The following HLA-F variants were observed in gnomAD, a reference collection of about 807,000 sequenced individuals.
HLA-F encodes the protein major histocompatibility complex, class I, F.
A neutral mutation model predicts 49.5 loss-of-function variants in HLA-F; 46 were observed. The observed-to-expected ratio is 0.93, with a 90% CI of 0.73 to 1.19. The LOEUF is 1.19. HLA-F is among the 50% of genes most tolerant of loss of function. HLA-F has a pLI of 0.00. For synonymous variants in HLA-F, 203 were observed against 233.5 expected (o/e 0.87, Z 1.19); for missense variants, 496 against 579.6 (o/e 0.86, Z 1.48).
downstream of HLA-F, chr6:29,728,649 AAAT>A (rs1250887582): frequency 6.6e-6 from 1 of 152,232 alleles, no homozygotes; most frequent in African/African-American, 2.4e-5. Context: ...TCCATCAAAG[AAAT>A]AATATTTTGA....
At chr6:29,737,217 G>GAAAAAA (rs1777178474) in intron 3 of HLA-F, among the ~76,000 whole-genome samples, 1 of 32,230 alleles carries the variant, frequency 3.1e-5, no homozygotes, top group Non-Finnish European at 4.7e-5. Flanking sequence ...AATCCTCATG[G>GAAAAAA]CAAAAAAAAA....
downstream of HLA-F, chr6:29,728,011 T>C (rs574385314): frequency 5.8e-6 from 3 of 518,992 alleles, no homozygotes; most frequent in South Asian, 2.8e-5. Flanking sequence ...CCAGGAGCAA[T>C]TTTCCCACCA....
Position 29,725,225 on chromosome 6 carries a change from G to T in HLA-F, c.805G>T (p.Val269Leu). 1 of 1,614,036 alleles carries T rather than the reference G, an allele frequency of 6.2e-7. No individual in the cohort carries two copies. Among genetic ancestry groups the T allele is most frequent in the Admixed American group, 1.7e-5 (1 of 60,008 alleles). Residue 269 changes from valine to leucine, a missense_variant, in exon 4 of 7, where the codon GTG (valine) becomes TTG (leucine). Transcript: ENST00000259951. Reference sequence around the variant, plus strand: ...AACCTTCCAGAAGTGGGCCGCTGTGGTGGTGCCTCCTGGAGAGGAACAGAG... The same window carrying T: ...AACCTTCCAGAAGTGGGCCGCTGTGTTGGTGCCTCCTGGAGAGGAACAGAG... ...DGTFQKWAAVVVPPGEEQRYT... is the reference protein window; with the variant it reads ...DGTFQKWAAVLVPPGEEQRYT...
At chr6:29,736,949 T>A (rs552189983) in intron 3 of HLA-F, 1 of 152,276 alleles carries the variant, frequency 6.6e-6, no homozygotes, top group East Asian at 1.9e-4. Flanking sequence ...AATTGCTGGG[T>A]CATAGGTGAT....
At position 29,727,236 on chromosome 6, in the gene HLA-F, C is replaced by A. The variant is rs545530479; in HGVS notation, c.*61C>A. ...AGACCACTAAATACTTCATCACACA[C>A]CTCCTAAGAATAAGAACCAACATTA... On this transcript the variant is annotated 3_prime_UTR_variant, in exon 7 of 7. Transcript: ENST00000259951. 2.9e-6 allele frequency: 3 copies of A among 1,028,738 alleles called. No individual in the cohort carries two copies. The highest frequency in any genetic ancestry group is 1.6e-5 in the South Asian group (1 of 61,948). 63.7% of individuals were successfully genotyped at this position (1,028,738 alleles called of 1,614,324 possible).
At chr6:29,737,295 G>T (rs552920167) in intron 3 of HLA-F, among the ~76,000 whole-genome samples, 1 of 141,312 alleles carries the variant, frequency 7.1e-6, no homozygotes, top group Non-Finnish European at 1.5e-5. Flanking sequence ...GAAAATACAG[G>T]TCATAGAGAT....
chr6:29,737,981 G>T (rs1777262113), intron 3 of HLA-F: 1 of 152,298 alleles, frequency 6.6e-6, no homozygotes, highest in South Asian at 2.1e-4. Context: ...CACAGGTGCA[G>T]TTACAGTCAG....
At chr6:29,732,005 C>A (rs1776667559), downstream of HLA-F, among the ~76,000 whole-genome samples, 1 of 152,112 alleles carries the variant, frequency 6.6e-6, no homozygotes, top group Non-Finnish European at 1.5e-5. Context: ...CACTCTGTAG[C>A]CCGGTCTGGA....
intron 3 of HLA-F, among the ~76,000 whole-genome samples, chr6:29,737,057 A>G (rs115479327): frequency 0.021 from 3,196 of 152,192 alleles, 77 homozygotes; most frequent in African/African-American, 0.051. Flanking sequence ...TGCAGCTAGT[A>G]TATGAAAAGA....
At chr6:29,732,357 A>G (rs148432938) in intron 3 of HLA-F, among the ~76,000 whole-genome samples, 139 of 152,346 alleles carry the variant, frequency 9.1e-4, no homozygotes, top group African/African-American at 2.4e-3. Flanking sequence ...CAAAAAGATA[A>G]GATGAAAGCA....
rs531915649 is a variant in HLA-F at position 29,723,764 on chromosome 6, C to A, written c.171C>A (p.Phe57Leu). Residue 57 changes from phenylalanine (F) to leucine (L), a missense_variant, in exon 2 of 7, where the codon TTC (phenylalanine) becomes TTA (leucine). By Grantham distance (22) the Phe-to-Leu change is conservative. Coordinates refer to ENST00000259951, the MANE Select transcript of HLA-F (RefSeq NM_001098479.2). ...EYVDDTQFLR[F>L]DSDAAIPRME... ...TAGACGACACGCAATTCCTGCGGTT[C>A]GACAGCGACGCCGCGATTCCGAGGA... 6.2e-7 allele frequency: 1 copy of A among 1,611,086 alleles called. No individual in the cohort carries two copies. Among genetic ancestry groups the A allele is most frequent in the African/African-American group, 1.3e-5 (1 of 74,908 alleles).
intron 3 of HLA-F, chr6:29,736,202 C>A: frequency 2.9e-6 from 1 of 342,884 alleles, no homozygotes; most frequent in East Asian, 8.1e-5. Context: ...CTCATTCATT[C>A]ATGCACTACT....
Position 29,724,406 on chromosome 6 carries a change from C to T in HLA-F, c.568C>T (p.Arg190Cys), listed in dbSNP as rs1171779946. Reference sequence around the variant, plus strand: ...GGAGGGCGAGTGCCTGGAGTTGCTCCGCAGATACTTGGAGAATGGGAAGGA... The same window carrying T: ...GGAGGGCGAGTGCCTGGAGTTGCTCTGCAGATACTTGGAGAATGGGAAGGA... The part of the protein sequence containing the change: ...YLEGECLELL[R>C]RYLENGKETL... The change falls in exon 3 of 7, where the codon CGC becomes TGC. Residue 190 changes from arginine (R) to cysteine (C), a missense_variant. Transcript: ENST00000259951. 5 of 1,613,270 alleles carry T rather than the reference C, an allele frequency of 3.1e-6. No individual in the cohort carries two copies. The highest frequency in any genetic ancestry group is 3.4e-6 in the Non-Finnish European group (4 of 1,180,042).
At chr6:29,737,520 G>A (rs1476998483) in intron 3 of HLA-F, among the ~76,000 whole-genome samples, 1 of 152,230 alleles carries the variant, frequency 6.6e-6, no homozygotes, top group Admixed American at 6.5e-5. Context: ...TTGAAGAAGA[G>A]AAGAGTTTAT....
At position 29,733,114 on chromosome 6, in the gene HLA-F, G is replaced by A. The variant is rs566382808; in HGVS notation, c.404-5008G>A. Among the ~76,000 whole-genome samples, 40 of 152,008 alleles carry A rather than the reference G, an allele frequency of 2.6e-4. No individual in the cohort carries two copies. In the South Asian group the frequency reaches 5.8e-3, roughly 22 times the overall value. ...TGAGGCATGGAAATCACTTGAACCCGAGAGGCGGAGGTTGCAGTGAGCTGA... is the reference window on the plus strand; with the variant it reads ...TGAGGCATGGAAATCACTTGAACCCAAGAGGCGGAGGTTGCAGTGAGCTGA... On this transcript the variant is annotated intron_variant, in intron 3 of 4. Transcript: ENST00000465459.
downstream of HLA-F, among the ~76,000 whole-genome samples, chr6:29,727,528 T>A (rs2523405): frequency 6.6e-6 from 1 of 151,958 alleles, no homozygotes; most frequent in Non-Finnish European, 1.5e-5. Flanking sequence ...TATCATATTA[T>A]TTCCCCTGAT....
chr6:29,726,237 A>G, intron 6 of HLA-F, 194 bp downstream of exon 6: 1 of 949,656 alleles, frequency 1.1e-6, no homozygotes, highest in Non-Finnish European at 1.7e-6. Flanking sequence ...GTGACACTCC[A>G]GGGCAGGGGC....
At chr6:29,728,176 C>T (rs1776285064), downstream of HLA-F, 1 of 453,842 alleles carries the variant, frequency 2.2e-6, no homozygotes, top group Non-Finnish European at 4.4e-6. Context: ...ATTATCCAGC[C>T]CCAATACCAA....
intron 6 of HLA-F, chr6:29,726,564 T>TGC: frequency 7.6e-7 from 1 of 1,307,260 alleles, no homozygotes; most frequent in African/African-American, 1.8e-5. Flanking sequence ...CGTAAATGTG[T>TGC]GTGTGTGTGT....
Sources: allele counts gnomAD v4.1 joint callset (sites outside exome capture counted in the v4.1 genomes callset), GRCh38; gene constraint gnomAD v4.1.1; transcripts MANE v1.5; gene names NCBI Gene and HGNC (gene_info 2026-07-23, HGNC 2026-07-21).